The following BTF3 variants were observed in gnomAD, a reference collection of about 807,000 sequenced individuals.
The protein encoded by BTF3 is transcription factor BTF3.
BTF3 carries 12 observed loss-of-function variants against 23.9 expected under a neutral mutation model. That is an observed-to-expected ratio of 0.50 (90% CI 0.32 to 0.81). The LOEUF (loss-of-function observed/expected upper bound fraction) is 0.81, where lower values mean the gene tolerates loss of function less well. Ranked by LOEUF, BTF3 falls within the 40% of genes least tolerant of loss-of-function variation. The probability of loss-of-function intolerance (pLI) is 0.03; values close to 1 mark genes in which losing one functional copy is unlikely to be tolerated. For missense variants in BTF3, 215 were observed against 255.9 expected (o/e 0.84, Z 1.09); for synonymous variants, 96 against 94.8 (o/e 1.01, Z -0.07).
At chr5:73,504,430 T>G in intron 5 of BTF3, 27 bp downstream of exon 5, 2 of 1,571,676 alleles carry the variant, frequency 1.3e-6, no homozygotes, top group Non-Finnish European at 1.7e-6. Context: ...GTGGTTAACC[T>G]AGAGAATCTT....
chr5:73,505,187 C>T lies in BTF3; in HGVS notation c.575-5C>T. 6.8e-6 allele frequency: 11 copies of T among 1,608,266 alleles called. No individual in the cohort carries two copies. Among genetic ancestry groups the T allele is most frequent in the Non-Finnish European group, 9.3e-6 (11 of 1,178,564 alleles). Reference sequence around the variant, plus strand: ...TAAGAATTTCTACTCTTTTCCTTTTCCTAGATCTTGTGGAGAATTTTGATG... The same window carrying T: ...TAAGAATTTCTACTCTTTTCCTTTTTCTAGATCTTGTGGAGAATTTTGATG... On this transcript the variant is annotated splice_region_variant and splice_polypyrimidine_tract_variant and intron_variant, in intron 5 of 5. Coordinates refer to ENST00000380591, the MANE Select transcript of BTF3 (RefSeq NM_001037637.2).
intron 3 of BTF3, 32 bp downstream of exon 3, chr5:73,502,633 A>G: frequency 2.0e-6 from 3 of 1,522,048 alleles, no homozygotes; most frequent in Non-Finnish European, 1.8e-6. Context: ...TTTAAAAAAC[A>G]AGATTTGGCT....
chr5:73,499,461 C>A, intron 2 of BTF3: 1 of 538,162 alleles, frequency 1.9e-6, no homozygotes, highest in Non-Finnish European at 3.4e-6. Context: ...AAAAGTGTTT[C>A]CTAATTTAAT....
intron 4 of BTF3, 36 bp downstream of exon 4, chr5:73,503,153 C>G (rs1746479880): frequency 6.3e-7 from 1 of 1,598,112 alleles, no homozygotes; most frequent in African/African-American, 1.3e-5. Context: ...CAGGGAATTA[C>G]TCATTTAGCA....
chr5:73,499,066 G>A, intron 1 of BTF3, 68 bp from the exon 2 acceptor site: 1 of 1,478,922 alleles, frequency 6.8e-7, no homozygotes, highest in Non-Finnish European at 9.2e-7. Flanking sequence ...GGTATCTTGG[G>A]AAATAACGAG....
At chr5:73,502,419 A>T in intron 2 of BTF3, 69 bp from the exon 3 acceptor site, 1 of 1,096,462 alleles carries the variant, frequency 9.1e-7, no homozygotes, top group Non-Finnish European at 1.3e-6. Flanking sequence ...ATTGGAAACT[A>T]TTCCCATTTG....
intron 2 of BTF3, among the ~76,000 whole-genome samples, chr5:73,500,864 A>G (rs1746418848): frequency 6.6e-6 from 1 of 151,924 alleles, no homozygotes; most frequent in South Asian, 2.1e-4. Flanking sequence ...TGGAAACCAG[A>G]TACATACATG....
rs140078816 is a variant in BTF3 at position 73,505,311 on chromosome 5, T to C, written c.*73T>C. ...GCTATTTTATATTATGACTGCTTTT[T>C]AAGAAATTTTTGTTTATGGATCTGA... On this transcript the variant is annotated 3_prime_UTR_variant, in exon 6 of 6. Coordinates refer to ENST00000380591, the MANE Select transcript of BTF3 (RefSeq NM_001037637.2). The C allele has an allele frequency of 7.1e-7, 1 of 1,408,552 alleles. No individual in the cohort carries two copies. The highest frequency in any genetic ancestry group is 1.4e-5 in the African/African-American group (1 of 69,276). The allele number at this position is 1,408,552 out of a possible 1,614,324, so 87.3% of individuals were successfully genotyped here. A position where few individuals can be genotyped will look rare whatever the true frequency, so the allele number is the denominator to read the frequency against.
In BTF3 at chr5:73,503,221, C is replaced by T. The variant is rs1746480895; in HGVS notation, c.517+104C>T. ...ATGAGTATTTTTAAGTTTGGAAATG[C>T]AAGCTTTAAAAATAACAGATTTGTA... is the stretch of plus-strand genomic sequence containing the variant. On this transcript the variant is annotated intron_variant, in intron 4 of 5. Transcript: ENST00000380591. The T allele has an allele frequency of 2.5e-6, 3 of 1,206,148 alleles. No homozygotes were observed. In the East Asian group the frequency reaches 7.6e-5, roughly 30 times the overall value. 74.7% of individuals were successfully genotyped at this position (1,206,148 alleles called of 1,614,324 possible). A position where few individuals can be genotyped will look rare whatever the true frequency, so the allele number is the denominator to read the frequency against.
chr5:73,503,600 G>T (rs754950655), intron 4 of BTF3, among the ~76,000 whole-genome samples: 1 of 152,346 alleles, frequency 6.6e-6, no homozygotes, highest in Non-Finnish European at 1.5e-5. Context: ...ATCTGAGGAT[G>T]TGGCAGTGTT....
Position 73,504,397 on chromosome 5 carries a change from G to A in BTF3, c.568G>A (p.Val190Ile). The A allele has an allele frequency of 6.3e-7, 1 of 1,591,796 alleles. No individual in the cohort carries two copies. Among genetic ancestry groups the A allele is most frequent in the Non-Finnish European group, 8.6e-7 (1 of 1,169,008 alleles). Reference protein sequence around the residue: ...LATGEDDDDEVPDLVENFDEA... With the variant: ...LATGEDDDDEIPDLVENFDEA... ...TACTGGAGAGGATGATGATGATGAA[G>A]TTCCAGGTAGGAACGTTTACTTGTG... Residue 190 changes from valine to isoleucine, a missense_variant, in exon 5 of 6, where the codon GTT becomes ATT. Val to Ile is a conservative substitution (Grantham distance 29). This residue lies in a region of BTF3 where 99 missense variants were observed against 171.2 expected (regional missense o/e 0.58). Transcript: ENST00000380591.
intron 4 of BTF3, 56 bp from the exon 5 acceptor site, chr5:73,504,291 T>C (rs1424458113): frequency 3.3e-5 from 24 of 722,046 alleles, no homozygotes; most frequent in Admixed American, 1.1e-4. Flanking sequence ...TTTTTTTTTT[T>C]TGGTGAATAT....
chr5:73,504,307 A>G (rs746165710), intron 4 of BTF3, 40 bp from the exon 5 acceptor site: 2 of 642,714 alleles, frequency 3.1e-6, no homozygotes, highest in Admixed American at 1.0e-4. Flanking sequence ...AATATTTATT[A>G]AAAACCTAGA....
At chr5:73,498,901 G>C in intron 1 of BTF3, 102 bp downstream of exon 1, 1 of 1,456,568 alleles carries the variant, frequency 6.9e-7, no homozygotes. Flanking sequence ...GCGTGGGGTA[G>C]AGCCTTTCAT....
chr5:73,499,225 T>C (rs771967925), intron 2 of BTF3, 23 bp downstream of exon 2: 1 of 1,600,542 alleles, frequency 6.2e-7, no homozygotes, highest in Non-Finnish European at 8.5e-7. Context: ...AGTTCGGGTT[T>C]GTGGGTTTTT....
chr5:73,500,889 A>G (rs1746419365), intron 2 of BTF3, among the ~76,000 whole-genome samples: 1 of 149,478 alleles, frequency 6.7e-6, no homozygotes, highest in Non-Finnish European at 1.5e-5. Context: ...TTTCAAAGTG[A>G]TTTTTGTACT....
Position 73,498,815 on chromosome 5 carries a change from C to T in BTF3, c.132+16C>T. 6.7e-7 allele frequency: 1 copy of T among 1,503,364 alleles called. No individual in the cohort carries two copies. The highest frequency in any genetic ancestry group is 8.8e-7 in the Non-Finnish European group (1 of 1,136,310). 93.1% of individuals were successfully genotyped at this position (1,503,364 alleles called of 1,614,324 possible). On this transcript the variant is annotated intron_variant, in intron 1 of 5. Coordinates refer to ENST00000380591, the MANE Select transcript of BTF3 (RefSeq NM_001037637.2). ...GGAGCCTCAGGTACCGCGAGGCTTGCGGAGAGTGGCCGGGCCGGGCAGGCC... is the reference window on the plus strand; with the variant it reads ...GGAGCCTCAGGTACCGCGAGGCTTGTGGAGAGTGGCCGGGCCGGGCAGGCC...
Position 73,499,178 on chromosome 5 carries a change from G to C in BTF3, c.177G>C (p.Gln59His). Residue 59 changes from glutamine (Q) to histidine (H), a missense_variant, in exon 2 of 6, where the codon CAG becomes CAC. Physicochemically the swap from Gln to His is conservative, Grantham distance 24. Coordinates refer to ENST00000380591, the MANE Select transcript of BTF3 (RefSeq NM_001037637.2). ...IMNQEKLAKL[Q>H]AQVRIGGKGT... Reference sequence around the variant, plus strand: ...ACCAGGAAAAACTCGCCAAACTGCAGGCACAAGTGCGCATTGGTGGGAAAG... The same window carrying C: ...ACCAGGAAAAACTCGCCAAACTGCACGCACAAGTGCGCATTGGTGGGAAAG... The C allele has an allele frequency of 6.2e-7, 1 of 1,613,458 alleles. No individual in the cohort carries two copies. Among genetic ancestry groups the C allele is most frequent in the Non-Finnish European group, 8.5e-7 (1 of 1,179,916 alleles).
At chr5:73,501,961 A>G (rs994966267) in intron 2 of BTF3, among the ~76,000 whole-genome samples, 1 of 152,120 alleles carries the variant, frequency 6.6e-6, no homozygotes, top group Non-Finnish European at 1.5e-5. Flanking sequence ...TGACGCCAGC[A>G]GTTTGAGACC....
Sources: allele counts gnomAD v4.1 joint callset (sites outside exome capture counted in the v4.1 genomes callset), GRCh38; gene constraint gnomAD v4.1.1; regional missense constraint gnomAD v4.1.1; transcripts MANE v1.5; gene names NCBI Gene and HGNC (gene_info 2026-07-23, HGNC 2026-07-21).